The following MAB21L3 variants were observed in gnomAD, a reference collection of about 807,000 sequenced individuals.
The protein encoded by MAB21L3 is mab-21 like 3.
A neutral mutation model predicts 37.7 loss-of-function variants in MAB21L3; 36 were observed. The ratio of observed to expected loss-of-function variants is 0.96; its 90% confidence interval spans 0.73 to 1.26. The LOEUF (loss-of-function observed/expected upper bound fraction) is 1.26, where lower values mean the gene tolerates loss of function less well. Ranked by LOEUF, MAB21L3 falls within the 50% of genes most tolerant of loss-of-function variation. MAB21L3 has a pLI of 0.00. For missense variants in MAB21L3, 430 were observed against 447.3 expected (o/e 0.96, Z 0.35); for synonymous variants, 186 against 176.8 (o/e 1.05, Z -0.41).
intron 3 of MAB21L3, among the ~76,000 whole-genome samples, chr1:116,120,252 C>T (rs1323030483): frequency 6.6e-6 from 1 of 152,098 alleles, no homozygotes; most frequent in Admixed American, 6.6e-5. Context: ...CTCTCCTAAG[C>T]TGTCTTCAGC....
chr1:116,137,189 A>C lies in MAB21L3; in HGVS notation c.*3824A>C, dbSNP rs1456208032. Reference sequence around the variant, plus strand: ...AAACTACCATCAGAGTGAACAGGCAACCTACAAAATGGGAGAAAATTTTCA... The same window carrying C: ...AAACTACCATCAGAGTGAACAGGCACCCTACAAAATGGGAGAAAATTTTCA... On this transcript the variant is annotated 3_prime_UTR_variant, in exon 8 of 8. Coordinates refer to ENST00000369500, the MANE Select transcript of MAB21L3 (RefSeq NM_152367.3). 3.1e-5 allele frequency among the ~76,000 whole-genome samples: 3 copies of C among 97,524 alleles called. No individual in the cohort carries two copies. The highest frequency in any genetic ancestry group is 3.7e-3 in the Middle Eastern group (1 of 272). The allele number at this position is 97,524 out of a possible 152,430, so 64.0% of individuals were successfully genotyped here.
chr1:116,125,944 G>C (rs1443224057), intron 5 of MAB21L3, among the ~76,000 whole-genome samples: 1 of 152,232 alleles, frequency 6.6e-6, no homozygotes, highest in Non-Finnish European at 1.5e-5. Flanking sequence ...ATTATTCATG[G>C]TGAAAGTGCA....
rs6670668 is a variant in MAB21L3 at position 116,133,927 on chromosome 1, A to G, written c.*562A>G. On this transcript the variant is annotated 3_prime_UTR_variant, in exon 8 of 8. Coordinates refer to ENST00000369500, the MANE Select transcript of MAB21L3 (RefSeq NM_152367.3). ...TGAGTAGCTGGTGTTTGCATCCTGGATCGGTACCCACAGCACTGACGCAAA... is the reference window on the plus strand; with the variant it reads ...TGAGTAGCTGGTGTTTGCATCCTGGGTCGGTACCCACAGCACTGACGCAAA... 30,707 of 158,830 alleles carry G rather than the reference A, an allele frequency of 0.19. 3,798 individuals are homozygous for G. The highest frequency in any genetic ancestry group is 0.36 in the African/African-American group (14,783 of 41,518). 9.8% of individuals were successfully genotyped at this position (158,830 alleles called of 1,614,324 possible).
Position 116,114,742 on chromosome 1 carries a change from A to T in MAB21L3, c.48+2079A>T, listed in dbSNP as rs540824258. ...CAAAGGAAGAAGGAGGGAATTTCAC[A>T]TGCAGTCAGGCAAGTGCTTAATAGA... On this transcript the variant is annotated intron_variant, in intron 3 of 7. Coordinates refer to ENST00000369500, the MANE Select transcript of MAB21L3 (RefSeq NM_152367.3). Among the ~76,000 whole-genome samples the T allele has an allele frequency of 7.8e-4, 119 of 152,224 alleles. 1 individual carries two copies. The highest frequency in any genetic ancestry group is 3.2e-3 in the Middle Eastern group (1 of 316).
rs375557422 is a variant in MAB21L3 at position 116,127,656 on chromosome 1, C to A, written c.660+12C>A. On this transcript the variant is annotated intron_variant, in intron 6 of 7. Transcript: ENST00000369500. ...TGGAGTGCATCAAGGTATCAGTGGG[C>A]GGGACCCAGCTTGCCAGAGCAGTGA... 1.2e-6 allele frequency: 2 copies of A among 1,602,738 alleles called. No individual in the cohort carries two copies. Among genetic ancestry groups the A allele is most frequent in the Non-Finnish European group, 1.7e-6 (2 of 1,174,644 alleles).
chr1:116,125,985 G>C (rs1219250800), intron 5 of MAB21L3, among the ~76,000 whole-genome samples: 1 of 152,164 alleles, frequency 6.6e-6, no homozygotes, highest in South Asian at 2.1e-4. Context: ...CAAGGTTTAT[G>C]AGGCGCTTTT....
intron 5 of MAB21L3, among the ~76,000 whole-genome samples, chr1:116,125,756 G>A (rs895269799): frequency 1.3e-5 from 2 of 152,202 alleles, no homozygotes; most frequent in Non-Finnish European, 2.9e-5. Flanking sequence ...ACACAATACA[G>A]TAAGAATTCT....
rs148469511 is a variant in MAB21L3, at chr1:116,124,870, T to TACACAC, written c.481+527_481+532dup. On this transcript the variant is annotated intron_variant, in intron 5 of 7. Coordinates refer to ENST00000369500, the MANE Select transcript of MAB21L3 (RefSeq NM_152367.3). ...CTTAAGCTACTGTACAGCATATGCA[T>TACACAC]ACACACACACACACACACATACACA... Among the ~76,000 whole-genome samples the TACACAC allele has an allele frequency of 7.1e-3, 999 of 140,356 alleles. 9 individuals are homozygous for TACACAC. The highest frequency in any genetic ancestry group is 0.03 in the South Asian group (141 of 4,640). 92.1% of individuals were successfully genotyped at this position (140,356 alleles called of 152,430 possible). A position where few individuals can be genotyped will look rare whatever the true frequency, so the allele number is the denominator to read the frequency against.
chr1:116,136,440 G>A lies in MAB21L3; in HGVS notation c.*3075G>A, dbSNP rs1269584340. Among the ~76,000 whole-genome samples the A allele has an allele frequency of 7.3e-5, 11 of 150,758 alleles. No individual in the cohort carries two copies. The highest frequency in any genetic ancestry group is 1.3e-4 in the Non-Finnish European group (9 of 67,318). On this transcript the variant is annotated 3_prime_UTR_variant, in exon 8 of 8. Coordinates refer to ENST00000369500, the MANE Select transcript of MAB21L3 (RefSeq NM_152367.3). The stretch of plus-strand genomic sequence containing the variant: ...AAGGGACGTGAAGGACCTCTTCAAG[G>A]AGAACTACAAACCACTGCTCAATGA...
intron 7 of MAB21L3, among the ~76,000 whole-genome samples, chr1:116,130,585 T>C (rs987441496): frequency 6.6e-5 from 10 of 152,198 alleles, no homozygotes; most frequent in Non-Finnish European, 1.3e-4. Context: ...AATCTTCATT[T>C]TGAGGAAAGT....
In MAB21L3 at chr1:116,133,707, A is replaced by C; in HGVS notation, c.*342A>C. On this transcript the variant is annotated 3_prime_UTR_variant, in exon 8 of 8. Coordinates refer to ENST00000369500, the MANE Select transcript of MAB21L3 (RefSeq NM_152367.3). ...GTCTCACAGTGAAGATGGAGACAGA[A>C]CCCCTGGAAGTCTGGACATGAGCCT... The C allele has an allele frequency of 2.8e-6, 1 of 354,578 alleles. No homozygotes were observed. Among genetic ancestry groups the C allele is most frequent in the South Asian group, 3.0e-5 (1 of 33,028 alleles). The allele number at this position is 354,578 out of a possible 1,614,324, so 22.0% of individuals were successfully genotyped here.
At chr1:116,116,358 C>T (rs1411071796) in intron 3 of MAB21L3, among the ~76,000 whole-genome samples, 2 of 152,132 alleles carry the variant, frequency 1.3e-5, no homozygotes, top group Non-Finnish European at 2.9e-5. Context: ...CAAGGCTGCC[C>T]GCCACCTAGA....
In MAB21L3 at chr1:116,123,862, C is replaced by G. The variant is rs887259504; in HGVS notation, c.190-204C>G. The G allele has an allele frequency of 6.6e-5, 36 of 542,550 alleles. No homozygotes were observed. The African/African-American group carries it at 6.6e-4, about 10-fold the overall frequency. The allele number at this position is 542,550 out of a possible 1,614,324, so 33.6% of individuals were successfully genotyped here. ...AAACTCAGCAGGTTAATTTACTTGC[C>G]CGAAGTATTTACAATGATTCAGTAG... On this transcript the variant is annotated intron_variant, in intron 4 of 7. Transcript: ENST00000369500.
chr1:116,119,898 A>C (rs1659693496), intron 3 of MAB21L3, among the ~76,000 whole-genome samples: 1 of 152,142 alleles, frequency 6.6e-6, no homozygotes, highest in African/African-American at 2.4e-5. Flanking sequence ...CACTGTGGTA[A>C]CTTTCTGTCA....
At chr1:116,115,850 T>C (rs1050151983) in intron 3 of MAB21L3, among the ~76,000 whole-genome samples, 3 of 152,258 alleles carry the variant, frequency 2.0e-5, no homozygotes, top group South Asian at 2.1e-4. Flanking sequence ...CAGCCCAAGA[T>C]GGGACAAGGA....
At chr1:116,121,220 A>G in intron 4 of MAB21L3, 148 bp downstream of exon 4, 2 of 890,398 alleles carry the variant, frequency 2.2e-6, no homozygotes, top group South Asian at 1.7e-5. Context: ...TACTATTTAC[A>G]GTCTCATTTT....
intron 3 of MAB21L3, among the ~76,000 whole-genome samples, chr1:116,118,042 G>C (rs1557928291): frequency 6.7e-6 from 1 of 148,340 alleles, no homozygotes; most frequent in East Asian, 2.0e-4. Context: ...ATTTTGCAAG[G>C]AAAAAAAAAA....
Position 116,128,153 on chromosome 1 carries a change from A to AT in MAB21L3, c.672dup (p.Asn225Ter). On this transcript the variant is annotated frameshift_variant, in exon 7 of 8. Transcript: ENST00000369500. LOFTEE classifies it high-confidence loss of function. ...TTTTCTCTTTCTTCCAGTCGTTTGG[A>AT]TTTAACTTGTTGGCCTGTTCAAATT... 1 of 1,583,786 alleles carries AT rather than the reference A, an allele frequency of 6.3e-7. No individual in the cohort carries two copies.
At chr1:116,130,571 G>GC (rs1660043147) in intron 7 of MAB21L3, among the ~76,000 whole-genome samples, 1 of 152,138 alleles carries the variant, frequency 6.6e-6, no homozygotes, top group African/African-American at 2.4e-5. Context: ...CTGGATCCTT[G>GC]CCAAATCTTC....
Sources: allele counts gnomAD v4.1 joint callset (sites outside exome capture counted in the v4.1 genomes callset), GRCh38; gene constraint gnomAD v4.1.1; transcripts MANE v1.5; gene names NCBI Gene and HGNC (gene_info 2026-07-23, HGNC 2026-07-21).